GLIS3: variants seen among roughly 807,000 people sequenced by gnomAD.
GLIS3 encodes the protein GLIS family zinc finger 3.
Under a neutral mutation model 78.6 loss-of-function variants are expected in GLIS3, and 53 were observed. The observed-to-expected ratio is 0.67, with a 90% CI of 0.54 to 0.85. The LOEUF (loss-of-function observed/expected upper bound fraction) is 0.85, where lower values mean the gene tolerates loss of function less well. GLIS3 is among the 40% of genes least tolerant of loss of function. GLIS3 has a pLI of 0.00. For synonymous variants in GLIS3, 684 were observed against 509.9 expected (o/e 1.34, Z -4.60); for missense variants, 1,703 against 1,231.1 (o/e 1.38, Z -5.74).
chr9:3,841,838 G>C (rs1248437247), intron 9 of GLIS3, among the ~76,000 whole-genome samples: 2 of 152,166 alleles, frequency 1.3e-5, no homozygotes, highest in Non-Finnish European at 2.9e-5. Context: ...TCTAGCTCCT[G>C]CTGTCTCATT....
intron 4 of GLIS3, among the ~76,000 whole-genome samples, chr9:4,011,628 ACCTTC>A (rs1414434410): frequency 1.3e-5 from 2 of 152,264 alleles, no homozygotes; most frequent in African/African-American, 4.8e-5. Flanking sequence ...ACTGCCCTGG[ACCTTC>A]CGTCTCTAGT....
At chr9:4,475,964 G>C in the GLIS3 span, among the ~76,000 whole-genome samples, 2 of 152,058 alleles carry the variant, frequency 1.3e-5, no homozygotes, top group Non-Finnish European at 2.9e-5. Context: ...AACCAGGCTG[G>C]TCTCAAACTC....
chr9:4,010,924 G>C (rs1821952496), intron 4 of GLIS3, among the ~76,000 whole-genome samples: 1 of 152,148 alleles, frequency 6.6e-6, no homozygotes, highest in South Asian at 2.1e-4. Flanking sequence ...TATGTATGTA[G>C]ATACGCATGC....
upstream of GLIS3, among the ~76,000 whole-genome samples, chr9:4,300,120 G>T (rs944972747): frequency 6.6e-6 from 1 of 151,582 alleles, no homozygotes; most frequent in Non-Finnish European, 1.5e-5. Flanking sequence ...GTGAGCGCCG[G>T]AGGGGGAGGG....
chr9:4,367,430 C>T, the GLIS3 span, among the ~76,000 whole-genome samples: 1 of 152,078 alleles, frequency 6.6e-6, no homozygotes, highest in Non-Finnish European at 1.5e-5. Flanking sequence ...ATCCCCTAAA[C>T]TAGGTCTTCC....
chr9:4,417,971 G>C, the GLIS3 span, among the ~76,000 whole-genome samples: 1 of 152,146 alleles, frequency 6.6e-6, no homozygotes, highest in Non-Finnish European at 1.5e-5. Context: ...CTTTTTGTGA[G>C]GAAACTTTGC....
chr9:4,361,182 C>A, the GLIS3 span, among the ~76,000 whole-genome samples: 1 of 152,242 alleles, frequency 6.6e-6, no homozygotes, highest in East Asian at 1.9e-4. Flanking sequence ...TGGAAACTGT[C>A]CTCTGTAGAA....
chr9:4,154,044 A>C (rs2180943), intron 2 of GLIS3, among the ~76,000 whole-genome samples: 38,143 of 152,206 alleles, frequency 0.25, 6,590 homozygotes, highest in African/African-American at 0.49. Context: ...AGCTACGCTG[A>C]GGCTGTCAAT....
chr9:3,933,054 G>A, intron 5 of GLIS3: 1 of 225,464 alleles, frequency 4.4e-6, no homozygotes, highest in Non-Finnish European at 9.1e-6. Flanking sequence ...GAGGTGTCCT[G>A]GTGTTGAGCC....
At chr9:4,245,667 T>C (rs1238463145) in intron 2 of GLIS3, among the ~76,000 whole-genome samples, 4 of 152,214 alleles carry the variant, frequency 2.6e-5, no homozygotes, top group Admixed American at 6.5e-5. Flanking sequence ...AAAACTGATA[T>C]AATTTTCAAT....
At chr9:4,467,716 A>C in the GLIS3 span, among the ~76,000 whole-genome samples, 1 of 152,244 alleles carries the variant, frequency 6.6e-6, no homozygotes, top group Non-Finnish European at 1.5e-5. Flanking sequence ...TCTAAAAATC[A>C]GAGGGCCTCT....
chr9:4,452,706 G>T, the GLIS3 span, among the ~76,000 whole-genome samples: 4 of 152,168 alleles, frequency 2.6e-5, no homozygotes, highest in African/African-American at 4.8e-5. Flanking sequence ...CATGTTCATG[G>T]ATAGGAAGAA....
intron 8 of GLIS3, among the ~76,000 whole-genome samples, chr9:3,860,262 A>C (rs1222216539): frequency 1.7e-5 from 2 of 115,810 alleles, no homozygotes; most frequent in African/African-American, 6.1e-5. Flanking sequence ...GTGACAGAGC[A>C]AGACTCTGTC....
rs201317173 is a variant in GLIS3 at position 4,254,616 on chromosome 9, G to C, written c.388+31422C>G. On this transcript the variant is annotated intron_variant, in intron 2 of 10. Transcript: ENST00000381971. ...GCACTTTGGGAGGCTGAGGCAGGCA[G>C]ATTACCTGAGGTCAGGAGTTCAAGA... Among the ~76,000 whole-genome samples the C allele has an allele frequency of 1.7e-4, 26 of 152,180 alleles. No homozygotes were observed. In the East Asian group the frequency reaches 3.9e-3, roughly 23 times the overall value.
intron 7 of GLIS3, among the ~76,000 whole-genome samples, chr9:3,885,876 G>A (rs1356065755): frequency 6.6e-6 from 1 of 152,192 alleles, no homozygotes; most frequent in Non-Finnish European, 1.5e-5. Context: ...GAGACAGATA[G>A]ACCTGAATTA....
At chr9:4,259,045 C>G (rs1825252099) in intron 2 of GLIS3, among the ~76,000 whole-genome samples, 1 of 152,126 alleles carries the variant, frequency 6.6e-6, no homozygotes, top group Non-Finnish European at 1.5e-5. Flanking sequence ...CTGCCTGCTG[C>G]TGCCTCCCTG....
intron 4 of GLIS3, among the ~76,000 whole-genome samples, chr9:4,307,977 A>C (rs1817270884): frequency 6.6e-6 from 1 of 152,154 alleles, no homozygotes; most frequent in African/African-American, 2.4e-5. Flanking sequence ...CAGCAACAGA[A>C]AAGTAATGCA....
chr9:4,411,880 C>T, the GLIS3 span, among the ~76,000 whole-genome samples: 40 of 152,298 alleles, frequency 2.6e-4, no homozygotes, highest in East Asian at 7.5e-3. Flanking sequence ...TTTAAAAACA[C>T]TTTTGGTTAA....
chr9:4,419,853 C>A, the GLIS3 span, among the ~76,000 whole-genome samples: 23 of 152,136 alleles, frequency 1.5e-4, no homozygotes, highest in Non-Finnish European at 2.5e-4. Context: ...ATCTCAATGA[C>A]ATTACCAAGG....
Sources: allele counts gnomAD v4.1 joint callset (sites outside exome capture counted in the v4.1 genomes callset), GRCh38; gene constraint gnomAD v4.1.1; transcripts MANE v1.5; gene names NCBI Gene and HGNC (gene_info 2026-07-23, HGNC 2026-07-21).